SRGAP1: variants seen among roughly 807,000 people sequenced by gnomAD.
SRGAP1 encodes the protein SLIT-ROBO Rho GTPase-activating protein 1.
In SRGAP1, 43 loss-of-function variants were observed where a neutral mutation model predicts 121.9. The ratio of observed to expected loss-of-function variants is 0.35; its 90% CI spans 0.28 to 0.46. SRGAP1 has a LOEUF of 0.46. Ranked by LOEUF, SRGAP1 falls within the 20% of genes least tolerant of loss-of-function variation. SRGAP1 has a pLI of 1.00. For missense variants in SRGAP1, 1,102 were observed against 1,350.9 expected, an observed-to-expected ratio of 0.82 and a Z score of 2.89; for synonymous variants, 447 against 485.4, an observed-to-expected ratio of 0.92 and a Z score of 1.04.
Position 64,043,585 on chromosome 12 carries a change from T to TG in SRGAP1, c.801+11dup. On this transcript the variant is annotated intron_variant, in intron 6 of 21. Coordinates refer to ENST00000355086, the MANE Select transcript of SRGAP1 (RefSeq NM_020762.4). ...TTCTGATTTAATTGATGTGAGTACT[T>TG]GAAGTTTTTGTCTTTTCCATATTAA... 1 of 1,580,174 alleles carries TG rather than the reference T, an allele frequency of 6.3e-7. No homozygotes were observed. The highest frequency in any genetic ancestry group is 8.6e-7 in the Non-Finnish European group (1 of 1,165,732).
intron 1 of SRGAP1, among the ~76,000 whole-genome samples, chr12:63,890,002 A>C (rs895172114): frequency 2.0e-5 from 3 of 151,996 alleles, no homozygotes; most frequent in Non-Finnish European, 4.4e-5. Context: ...TTGTTCCATG[A>C]CATGTCGTTT....
intron 3 of SRGAP1, among the ~76,000 whole-genome samples, chr12:64,000,477 A>C (rs1328299213): frequency 2.6e-5 from 4 of 152,032 alleles, no homozygotes; most frequent in Admixed American, 1.3e-4. Flanking sequence ...GCCAGCCATG[A>C]CGATGTGCAC....
At chr12:64,043,112 T>G in intron 5 of SRGAP1, 140 bp downstream of exon 5, 1 of 682,336 alleles carries the variant, frequency 1.5e-6, no homozygotes, top group Non-Finnish European at 2.4e-6. Flanking sequence ...GAGAAATGTT[T>G]AGGAAATATA....
chr12:63,950,853 G>A (rs1286751702), intron 1 of SRGAP1, among the ~76,000 whole-genome samples: 3 of 152,008 alleles, frequency 2.0e-5, no homozygotes, highest in African/African-American at 7.2e-5. Flanking sequence ...TTCTGGAAAA[G>A]CCTACCTGTG....
intron 10 of SRGAP1, among the ~76,000 whole-genome samples, chr12:64,082,652 G>A (rs2136568478): frequency 6.6e-6 from 1 of 152,202 alleles, no homozygotes; most frequent in East Asian, 1.9e-4. Flanking sequence ...GTCTCACCAT[G>A]TTGGCCAGGC....
chr12:63,975,784 A>C (rs1431972307), intron 1 of SRGAP1, among the ~76,000 whole-genome samples: 3 of 152,186 alleles, frequency 2.0e-5, no homozygotes, highest in Non-Finnish European at 4.4e-5. Context: ...GGAAATCATC[A>C]TTAGTTCCAC....
rs570285874 is a variant in SRGAP1, at chr12:64,056,566, A to AG, written c.802-6351_802-6350insG. On this transcript the variant is annotated intron_variant, in intron 6 of 21. Transcript: ENST00000355086. ...AGACTCCACAAAAAAAAAAAAAAAAAAGAGAGAAAGAAAGAAAAACATAAA... is the reference window on the plus strand; with the variant it reads ...AGACTCCACAAAAAAAAAAAAAAAAAGAGAGAGAAAGAAAGAAAAACATAAA... Among the ~76,000 whole-genome samples, 1,218 of 149,900 alleles carry AG rather than the reference A, an allele frequency of 8.1e-3. 20 individuals carry two copies. The highest frequency in any genetic ancestry group is 0.028 in the African/African-American group (1,137 of 40,434).
chr12:64,038,468 C>T (rs2034945508), intron 4 of SRGAP1: 1 of 152,080 alleles, frequency 6.6e-6, no homozygotes, highest in African/African-American at 2.4e-5. Flanking sequence ...AACTTTTGAG[C>T]CAGTAGTCAA....
At chr12:64,045,007 A>G (rs1324947457) in intron 6 of SRGAP1, among the ~76,000 whole-genome samples, 1 of 151,878 alleles carries the variant, frequency 6.6e-6, no homozygotes, top group Non-Finnish European at 1.5e-5. Flanking sequence ...TCTGATGTGA[A>G]TTTTTTCTTT....
intron 1 of SRGAP1, among the ~76,000 whole-genome samples, chr12:63,855,473 GTTTTTTTTTTT>G (rs781701925): frequency 2.2e-3 from 115 of 52,944 alleles, no homozygotes; most frequent in South Asian, 7.4e-3. Flanking sequence ...GAAAAATGGT[GTTTTTTTTTTT>G]TTTTTTTTTT....
chr12:64,104,130 G>A (rs181728605), intron 15 of SRGAP1, among the ~76,000 whole-genome samples: 8 of 152,338 alleles, frequency 5.3e-5, no homozygotes, highest in African/African-American at 9.6e-5. Context: ...AGAAGAACCA[G>A]TATTTTCAGA....
intron 4 of SRGAP1, among the ~76,000 whole-genome samples, chr12:64,036,309 C>T (rs1053159749): frequency 6.6e-6 from 1 of 152,144 alleles, no homozygotes; most frequent in Non-Finnish European, 1.5e-5. Context: ...TTTCCCCACG[C>T]ACCTGAGAGT....
At chr12:64,004,801 T>G (rs1480394244) in intron 3 of SRGAP1, among the ~76,000 whole-genome samples, 1 of 152,246 alleles carries the variant, frequency 6.6e-6, no homozygotes, top group East Asian at 1.9e-4. Flanking sequence ...TTGAGGTGTC[T>G]GCAGTTGAGT....
At position 63,990,080 on chromosome 12, in the gene SRGAP1, C is replaced by T; in HGVS notation, c.426+8C>T. ...ACCAGGATGTTTAAAAAGGTACACTCCATAAATCCTGCCATAGTGTGCTTT... is the reference window on the plus strand; with the variant it reads ...ACCAGGATGTTTAAAAAGGTACACTTCATAAATCCTGCCATAGTGTGCTTT... On this transcript the variant is annotated splice_region_variant and intron_variant, in intron 3 of 21. Coordinates refer to ENST00000355086, the MANE Select transcript of SRGAP1 (RefSeq NM_020762.4). The T allele has an allele frequency of 6.3e-6, 10 of 1,591,074 alleles. No individual in the cohort carries two copies. Among genetic ancestry groups the T allele is most frequent in the Non-Finnish European group, 8.6e-6 (10 of 1,169,584 alleles).
At chr12:64,086,958 G>A in intron 10 of SRGAP1, 41 bp from the exon 11 acceptor site, 1 of 1,523,942 alleles carries the variant, frequency 6.6e-7, no homozygotes, top group Non-Finnish European at 9.1e-7. Context: ...ACACTCTGCT[G>A]ATTCCTTTCA....
chr12:64,001,626 A>G (rs2033900206), intron 3 of SRGAP1, among the ~76,000 whole-genome samples: 1 of 152,164 alleles, frequency 6.6e-6, no homozygotes, highest in South Asian at 2.1e-4. Flanking sequence ...AATATTACAC[A>G]TATATTGAGG....
chr12:63,925,325 CT>C (rs1309933928), intron 1 of SRGAP1, among the ~76,000 whole-genome samples: 14 of 152,248 alleles, frequency 9.2e-5, no homozygotes, highest in African/African-American at 3.4e-4. Flanking sequence ...AGCTTTTACA[CT>C]TTCTGATCAT....
intron 3 of SRGAP1, among the ~76,000 whole-genome samples, chr12:64,007,415 G>C (rs1454499650): frequency 6.6e-6 from 1 of 152,128 alleles, no homozygotes; most frequent in Non-Finnish European, 1.5e-5. Flanking sequence ...AGAATCTAAT[G>C]CTGCGGCTGA....
intron 4 of SRGAP1, among the ~76,000 whole-genome samples, chr12:64,029,901 C>G (rs1288522829): frequency 6.7e-6 from 1 of 149,024 alleles, no homozygotes; most frequent in Non-Finnish European, 1.5e-5. Context: ...GAGCAAGACT[C>G]CGTCTCAAAA....
Sources: allele counts gnomAD v4.1 joint callset (sites outside exome capture counted in the v4.1 genomes callset), GRCh38; gene constraint gnomAD v4.1.1; transcripts MANE v1.5; gene names NCBI Gene and HGNC (gene_info 2026-07-23, HGNC 2026-07-21).